The following UGT8 variants were observed in gnomAD, a reference collection of about 807,000 sequenced individuals.
The protein encoded by UGT8 is 2-hydroxyacylsphingosine 1-beta-galactosyltransferase.
A neutral mutation model predicts 40.5 loss-of-function variants in UGT8; 12 were observed. The ratio of observed to expected loss-of-function variants is 0.30; its 90% CI spans 0.19 to 0.48. The LOEUF is 0.48. Ranked by LOEUF, UGT8 falls within the 20% of genes least tolerant of loss-of-function variation. UGT8 has a pLI of 0.99. For missense variants in UGT8, 513 were observed against 648.7 expected (o/e 0.79, Z 2.27); for synonymous variants, 224 against 240.4 (o/e 0.93, Z 0.63).
At position 114,626,415 on chromosome 4, in the gene UGT8, T is replaced by C. The variant is rs375233616; in HGVS notation, c.822+2713T>C. Reference sequence around the variant, plus strand: ...CCTGGTATCTTACACTGGGCATAGATTAGGTTTTCCAGATGTCTGTAAATG... The same window carrying C: ...CCTGGTATCTTACACTGGGCATAGACTAGGTTTTCCAGATGTCTGTAAATG... On this transcript the variant is annotated intron_variant, in intron 2 of 5. Transcript: ENST00000310836. 2.0e-5 allele frequency among the ~76,000 whole-genome samples: 3 copies of C among 152,192 alleles called. No individual in the cohort carries two copies. The East Asian group carries it at 5.8e-4, about 29-fold the overall frequency.
rs377272997 is a variant in UGT8, at chr4:114,631,897, A to G, written c.822+8195A>G. ...ATTTCAAGAACTAGAAAAGCCCTGGATTACACTGTAGATCTGAACAGCTCA... is the reference window on the plus strand; with the variant it reads ...ATTTCAAGAACTAGAAAAGCCCTGGGTTACACTGTAGATCTGAACAGCTCA... On this transcript the variant is annotated intron_variant, in intron 2 of 5. Coordinates refer to ENST00000310836, the MANE Select transcript of UGT8 (RefSeq NM_001128174.3). Among the ~76,000 whole-genome samples the G allele has an allele frequency of 1.2e-4, 18 of 152,344 alleles. No homozygotes were observed. In the East Asian group the frequency reaches 3.1e-3, roughly 26 times the overall value.
chr4:114,619,841 A>G (rs1348377405), intron 1 of UGT8, among the ~76,000 whole-genome samples: 1 of 151,822 alleles, frequency 6.6e-6, no homozygotes, highest in African/African-American at 2.4e-5. Flanking sequence ...TGTATTTCTG[A>G]GATATCATTT....
At chr4:114,653,367 CA>C (rs1366154888) in intron 2 of UGT8, among the ~76,000 whole-genome samples, 2 of 152,022 alleles carry the variant, frequency 1.3e-5, no homozygotes, top group Non-Finnish European at 2.9e-5. Flanking sequence ...GAAGCTGACT[CA>C]AGTATACTTT....
In UGT8 at chr4:114,622,216, G is replaced by C. The variant is rs1312061833; in HGVS notation, c.-2-663G>C. ...GAGAATATGCGGTGTTTGGTTTTTT[G>C]TTCTTGCGATGGTTTACTGAGAATG... On this transcript the variant is annotated intron_variant, in intron 1 of 5. Transcript: ENST00000310836. Among the ~76,000 whole-genome samples, 4 of 150,012 alleles carry C rather than the reference G, an allele frequency of 2.7e-5. No homozygotes were observed. The East Asian group carries it at 8.0e-4, about 30-fold the overall frequency.
At chr4:114,619,592 G>A (rs917463653) in intron 1 of UGT8, 1 of 151,912 alleles carries the variant, frequency 6.6e-6, no homozygotes, top group African/African-American at 2.4e-5. Context: ...TGTTTATAAT[G>A]TTTAGTATCC....
rs553554388 is a variant in UGT8, at chr4:114,657,040, T to C, written c.823-6955T>C. On this transcript the variant is annotated intron_variant, in intron 2 of 5. Transcript: ENST00000310836. ...TCCAAGTCCATTAATCAAATTTCTT[T>C]TGTAACGTAAGAAAGATTTAGATAT... 8.5e-5 allele frequency among the ~76,000 whole-genome samples: 13 copies of C among 152,280 alleles called. No homozygotes were observed. The East Asian group carries it at 1.7e-3, about 20-fold the overall frequency.
intron 2 of UGT8, among the ~76,000 whole-genome samples, chr4:114,662,131 G>A (rs763485538): frequency 2.6e-5 from 4 of 151,982 alleles, no homozygotes; most frequent in Non-Finnish European, 5.9e-5. Flanking sequence ...ACTTACAGTG[G>A]GGTTCTGTCG....
intron 2 of UGT8, among the ~76,000 whole-genome samples, chr4:114,653,963 T>A (rs1159963981): frequency 6.6e-6 from 1 of 152,092 alleles, no homozygotes; most frequent in Non-Finnish European, 1.5e-5. Flanking sequence ...ATTGAATTAT[T>A]GATGAAATGA....
chr4:114,616,557 C>T lies in UGT8; in HGVS notation c.-2-6322C>T, dbSNP rs191645211. On this transcript the variant is annotated intron_variant, in intron 1 of 5. Transcript: ENST00000310836. ...GACCCCCTGTGCTTCCCAGGTGAGGCGATGCCTCACCCTACTTCGGCTCAT... is the reference window on the plus strand; with the variant it reads ...GACCCCCTGTGCTTCCCAGGTGAGGTGATGCCTCACCCTACTTCGGCTCAT... 1.8e-3 allele frequency among the ~76,000 whole-genome samples: 277 copies of T among 152,164 alleles called. 1 individual carries two copies. Among genetic ancestry groups the T allele is most frequent in the Non-Finnish European group, 3.0e-3 (204 of 67,992 alleles).
Position 114,632,920 on chromosome 4 carries a change from A to C in UGT8, c.822+9218A>C, listed in dbSNP as rs1432209222. Among the ~76,000 whole-genome samples the C allele has an allele frequency of 2.6e-5, 4 of 152,350 alleles. No individual in the cohort carries two copies. The East Asian group carries it at 7.7e-4, about 29-fold the overall frequency. ...TACACTATGCATTTCCAGACTTTTTATCAGTGAAAAGCAACTTAATTGACT... is the reference window on the plus strand; with the variant it reads ...TACACTATGCATTTCCAGACTTTTTCTCAGTGAAAAGCAACTTAATTGACT... On this transcript the variant is annotated intron_variant, in intron 2 of 5. Coordinates refer to ENST00000310836, the MANE Select transcript of UGT8 (RefSeq NM_001128174.3).
intron 1 of UGT8, among the ~76,000 whole-genome samples, chr4:114,621,047 A>T (rs1229937026): frequency 6.6e-6 from 1 of 152,112 alleles, no homozygotes; most frequent in Admixed American, 6.5e-5. Context: ...AATTCATTAT[A>T]TTGAATAGGT....
intron 2 of UGT8, among the ~76,000 whole-genome samples, chr4:114,648,509 A>G (rs1578444520): frequency 6.6e-6 from 1 of 152,110 alleles, no homozygotes; most frequent in East Asian, 1.9e-4. Flanking sequence ...GACTTCAGGT[A>G]TATATAATTT....
At chr4:114,634,801 A>G (rs527665457) in intron 2 of UGT8, among the ~76,000 whole-genome samples, 1 of 152,156 alleles carries the variant, frequency 6.6e-6, no homozygotes, top group Admixed American at 6.5e-5. Flanking sequence ...TGGGTCAGTG[A>G]TAGGGCTTGG....
chr4:114,636,733 G>A (rs1732910485), intron 2 of UGT8, among the ~76,000 whole-genome samples: 1 of 151,824 alleles, frequency 6.6e-6, no homozygotes. Context: ...ACTTCCCGCT[G>A]CCTTCTCCAC....
intron 1 of UGT8, among the ~76,000 whole-genome samples, chr4:114,618,112 A>G (rs900670620): frequency 1.3e-5 from 2 of 152,134 alleles, no homozygotes; most frequent in African/African-American, 4.8e-5. Flanking sequence ...ATTTTCTGAT[A>G]TTAAAATTAT....
intron 4 of UGT8, among the ~76,000 whole-genome samples, chr4:114,666,134 A>C (rs925119969): frequency 1.3e-5 from 2 of 152,178 alleles, no homozygotes; most frequent in Non-Finnish European, 2.9e-5. Flanking sequence ...ATGTAGATTT[A>C]GGTTACAGGT....
chr4:114,599,348 C>T (rs1020266575), intron 1 of UGT8, among the ~76,000 whole-genome samples: 1 of 152,134 alleles, frequency 6.6e-6, no homozygotes, highest in African/African-American at 2.4e-5. Flanking sequence ...TTGTACTTGA[C>T]CCCTGAAGGG....
intron 2 of UGT8, among the ~76,000 whole-genome samples, chr4:114,658,441 A>C (rs1336104597): frequency 6.6e-6 from 1 of 152,112 alleles, no homozygotes; most frequent in Non-Finnish European, 1.5e-5. Flanking sequence ...AGGAGAGAAA[A>C]GAGTGGGTTT....
At chr4:114,608,771 A>T (rs62308124) in intron 1 of UGT8, among the ~76,000 whole-genome samples, 3,885 of 152,236 alleles carry the variant, frequency 0.026, 74 homozygotes, top group Non-Finnish European at 0.04. Flanking sequence ...AATCACGGTG[A>T]TAATTAACTG....
Sources: gnomAD v4.1 joint callset for allele counts (sites outside exome capture counted in the v4.1 genomes callset) on GRCh38, gnomAD v4.1.1 for gene constraint, MANE v1.5 for transcripts, NCBI Gene and HGNC (gene_info 2026-07-23, HGNC 2026-07-21) for gene names.